Variants in DDX4 observed in about 807,000 individuals in gnomAD.
DDX4 encodes probable ATP-dependent RNA helicase DDX4.
A neutral mutation model predicts 100.0 loss-of-function variants in DDX4; 25 were observed. The observed-to-expected ratio is 0.25, with a 90% CI of 0.18 to 0.35. DDX4 has a LOEUF of 0.35. Ranked by LOEUF, DDX4 falls within the 10% of genes least tolerant of loss-of-function variation. DDX4 has a pLI of 1.00. For synonymous variants in DDX4, 259 were observed against 275.7 expected (o/e 0.94, Z 0.60); for missense variants, 635 against 882.4 (o/e 0.72, Z 3.55).
At position 55,760,275 on chromosome 5, in the gene DDX4, G is replaced by A; in HGVS notation, c.203G>A (p.Arg68Lys). ...GFASGRNFGN[R>K]DAGECNKRDN... ...GCCTCTGGGCGGAATTTTGGAAACAGAGGTAAGCATCTTTGTCTTTCCTTA... is the reference window on the plus strand; with the variant it reads ...GCCTCTGGGCGGAATTTTGGAAACAAAGGTAAGCATCTTTGTCTTTCCTTA... The change falls in exon 4 of 22, where the codon AGA becomes AAA. Residue 68 changes from arginine (R) to lysine (K), a missense_variant and splice_region_variant. Physicochemically the swap from Arg to Lys is conservative, Grantham distance 26. This residue lies in a region of DDX4 where 446 missense variants were observed against 540.8 expected (regional missense o/e 0.82). Coordinates refer to ENST00000505374, the MANE Select transcript of DDX4 (RefSeq NM_024415.3). 1 of 1,562,588 alleles carries A rather than the reference G, an allele frequency of 6.4e-7. No homozygotes were observed. Among genetic ancestry groups the A allele is most frequent in the South Asian group, 1.2e-5 (1 of 81,890 alleles).
chr5:55,762,599 A>C (rs1740634221), intron 4 of DDX4, among the ~76,000 whole-genome samples: 1 of 152,150 alleles, frequency 6.6e-6, no homozygotes, highest in Admixed American at 6.5e-5. Flanking sequence ...GGTGTGAATT[A>C]AAATGTTGGG....
At chr5:55,777,576 G>A (rs1339468386) in intron 7 of DDX4, 2 of 152,306 alleles carry the variant, frequency 1.3e-5, no homozygotes, top group Admixed American at 6.5e-5. Context: ...GGAATACTAG[G>A]TGCTGTAGGT....
In DDX4 at chr5:55,767,886, A is replaced by G; in HGVS notation, c.340A>G (p.Ser114Gly). 1.2e-6 allele frequency: 2 copies of G among 1,613,562 alleles called. No homozygotes were observed. Among genetic ancestry groups the G allele is most frequent in the East Asian group, 2.2e-5 (1 of 44,846 alleles). Reference sequence around the variant, plus strand: ...ATGTTAAATTTTTATTGAAGAGTCTAGTAATGACTGCGAAGATAATCCAAC... The same window carrying G: ...ATGTTAAATTTTTATTGAAGAGTCTGGTAATGACTGCGAAGATAATCCAAC... ...GDSSGFWRES[S>G]NDCEDNPTRN... Residue 114 changes from serine (S) to glycine (G), a missense_variant, in exon 7 of 22, where the codon AGT becomes GGT. By Grantham distance (56) the Ser-to-Gly change is moderately conservative (BLOSUM62 0). Transcript: ENST00000505374.
chr5:55,766,941 G>A, intron 6 of DDX4: 1 of 1,517,312 alleles, frequency 6.6e-7, no homozygotes. Flanking sequence ...TGGGGTCTAG[G>A]AATTTATTTT....
intron 18 of DDX4, among the ~76,000 whole-genome samples, chr5:55,809,518 A>G (rs1007817605): frequency 6.6e-6 from 1 of 152,208 alleles, no homozygotes; most frequent in African/African-American, 2.4e-5. Context: ...AGCAGATATA[A>G]TTTTTCATAT....
At chr5:55,746,139 G>GT (rs756857832) in intron 2 of DDX4, 25 bp from the exon 3 acceptor site, 28 of 1,580,360 alleles carry the variant, frequency 1.8e-5, no homozygotes, top group Non-Finnish European at 2.4e-5. Flanking sequence ...TAGGAAACTA[G>GT]TTTTTTCTTT....
At chr5:55,753,266 T>C (rs1759687738) in intron 3 of DDX4, among the ~76,000 whole-genome samples, 1 of 152,222 alleles carries the variant, frequency 6.6e-6, no homozygotes, top group Non-Finnish European at 1.5e-5. Context: ...TCCTGAATGG[T>C]AATGCCTAGA....
At chr5:55,815,660 T>C (rs1744355579) in intron 21 of DDX4, among the ~76,000 whole-genome samples, 1 of 152,216 alleles carries the variant, frequency 6.6e-6, no homozygotes, top group African/African-American at 2.4e-5. Context: ...TTTTAAATTT[T>C]AATTTGGAAT....
At chr5:55,765,408 AAAAAAATATATATATAT>A (rs1740838862) in intron 6 of DDX4, among the ~76,000 whole-genome samples, 2 of 121,440 alleles carry the variant, frequency 1.6e-5, no homozygotes, top group South Asian at 5.1e-4. Context: ...AAAAAAAAAA[AAAAAAATATATATATAT>A]ATATATATAT....
At chr5:55,814,132 G>A (rs1327581079) in intron 19 of DDX4, among the ~76,000 whole-genome samples, 1 of 152,014 alleles carries the variant, frequency 6.6e-6, no homozygotes, top group African/African-American at 2.4e-5. Flanking sequence ...TTTAAAATTG[G>A]AGTGCTTTAA....
chr5:55,760,365 G>A, intron 4 of DDX4, 88 bp downstream of exon 4: 1 of 1,361,722 alleles, frequency 7.3e-7, no homozygotes, highest in Non-Finnish European at 9.7e-7. Context: ...ACAAAGCTAA[G>A]TCTGTTGTAA....
chr5:55,790,554 CA>C, intron 15 of DDX4, 21 bp from the exon 16 acceptor site: 1 of 1,500,514 alleles, frequency 6.7e-7, no homozygotes, highest in Non-Finnish European at 9.2e-7. Flanking sequence ...TAGAAAATAA[CA>C]TTTAGTTTTC....
At chr5:55,749,246 A>G (rs933858489) in intron 3 of DDX4, among the ~76,000 whole-genome samples, 6 of 152,166 alleles carry the variant, frequency 3.9e-5, no homozygotes, top group Admixed American at 3.3e-4. Flanking sequence ...CAAAGTAAAC[A>G]AAGTGAGACA....
intron 15 of DDX4, among the ~76,000 whole-genome samples, chr5:55,789,072 A>C (rs1420634741): frequency 6.6e-6 from 1 of 152,088 alleles, no homozygotes; most frequent in East Asian, 1.9e-4. Flanking sequence ...TATAAAAAAA[A>C]CCAACAGTTT....
At chr5:55,759,127 G>T (rs1760132844) in intron 3 of DDX4, among the ~76,000 whole-genome samples, 1 of 151,758 alleles carries the variant, frequency 6.6e-6, no homozygotes, top group Non-Finnish European at 1.5e-5. Flanking sequence ...CTGACCTCAA[G>T]CATCTCTTCC....
intron 3 of DDX4, among the ~76,000 whole-genome samples, chr5:55,752,231 G>T (rs1759603912): frequency 6.7e-6 from 1 of 148,664 alleles, no homozygotes; most frequent in African/African-American, 2.5e-5. Flanking sequence ...TGTGCACATT[G>T]TGCAGGTTAG....
chr5:55,744,518 A>G (rs1759151352), intron 2 of DDX4, among the ~76,000 whole-genome samples: 1 of 152,264 alleles, frequency 6.6e-6, no homozygotes, highest in African/African-American at 2.4e-5. Flanking sequence ...TCATTAATCT[A>G]GAGCTATCCA....
At chr5:55,757,928 C>G (rs1459481889) in intron 3 of DDX4, among the ~76,000 whole-genome samples, 1 of 152,100 alleles carries the variant, frequency 6.6e-6, no homozygotes, top group Non-Finnish European at 1.5e-5. Flanking sequence ...GCCTCTAGTC[C>G]GAGCTACTCA....
At chr5:55,799,856 G>C (rs892442983) in intron 18 of DDX4, among the ~76,000 whole-genome samples, 24 of 152,250 alleles carry the variant, frequency 1.6e-4, no homozygotes, top group Middle Eastern at 3.4e-3. Context: ...GTTTCAGCTT[G>C]AATGTCAGTG....
Sources: gnomAD v4.1 joint callset for allele counts (sites outside exome capture counted in the v4.1 genomes callset) on GRCh38, gnomAD v4.1.1 for gene constraint, gnomAD v4.1.1 regional missense constraint, MANE v1.5 for transcripts, NCBI Gene and HGNC (gene_info 2026-07-23, HGNC 2026-07-21) for gene names.